OR2L13: variants seen among roughly 807,000 people sequenced by gnomAD.
OR2L13 encodes olfactory receptor 2L13.
In OR2L13, 14 loss-of-function variants were observed where a neutral mutation model predicts 15.3. That is an observed-to-expected ratio of 0.91 (90% CI 0.60 to 1.43). The LOEUF (loss-of-function observed/expected upper bound fraction) is 1.43. Ranked by LOEUF, OR2L13 falls within the 40% of genes most tolerant of loss-of-function variation. The pLI is 0.00. For missense variants in OR2L13, 367 were observed against 387.9 expected, an observed-to-expected ratio of 0.95 and a Z score of 0.45; for synonymous variants, 152 against 142.9, an observed-to-expected ratio of 1.06 and a Z score of -0.45.
chr1:248,095,453 T>C (rs1371316290), upstream of OR2L13, among the ~76,000 whole-genome samples: 1 of 151,964 alleles, frequency 6.6e-6, no homozygotes, highest in Non-Finnish European at 1.5e-5. Flanking sequence ...AGATTCTCAC[T>C]TCAGAAAGAG....
the OR2L13 span, among the ~76,000 whole-genome samples, chr1:247,968,776 G>A: frequency 6.6e-6 from 1 of 151,722 alleles, no homozygotes; most frequent in Non-Finnish European, 1.5e-5. Flanking sequence ...CCAAGTCTTT[G>A]CTATTGTGAA....
chr1:248,003,235 A>G, the OR2L13 span: 81 of 1,546,816 alleles, frequency 5.2e-5, 1 homozygote, highest in South Asian at 8.2e-4. Context: ...TCATTTTCCT[A>G]ATGGCTCTAA....
At chr1:248,077,429 C>G in the OR2L13 span, among the ~76,000 whole-genome samples, 1 of 152,212 alleles carries the variant, frequency 6.6e-6, no homozygotes, top group Non-Finnish European at 1.5e-5. Context: ...ACCAGCTCCT[C>G]TTTGTACCTC....
chr1:248,022,206 G>A, the OR2L13 span: 3 of 1,614,048 alleles, frequency 1.9e-6, no homozygotes, highest in Middle Eastern at 1.7e-4. Context: ...TTTTCTGTAT[G>A]GAAACAAGTC....
chr1:247,975,198 G>T, the OR2L13 span: 1 of 393,572 alleles, frequency 2.5e-6, no homozygotes, highest in South Asian at 2.2e-5. Flanking sequence ...GGGCTCTATC[G>T]ACACTTGTGC....
At chr1:247,990,219 T>C in the OR2L13 span, 1 of 690,042 alleles carries the variant, frequency 1.4e-6, no homozygotes, top group Non-Finnish European at 2.6e-6. Flanking sequence ...ACTACTGTAC[T>C]TCACTTACCC....
chr1:248,030,112 T>C, the OR2L13 span: 1 of 152,086 alleles, frequency 6.6e-6, no homozygotes, highest in Non-Finnish European at 1.5e-5. Flanking sequence ...AATGAATATA[T>C]GCATTTCTTT....
chr1:248,028,090 G>A, the OR2L13 span, among the ~76,000 whole-genome samples: 89 of 132,388 alleles, frequency 6.7e-4, 3 homozygotes, highest in East Asian at 0.016. Flanking sequence ...GCAGTGAGCC[G>A]AGATCACGCC....
At chr1:247,999,212 T>C in the OR2L13 span, among the ~76,000 whole-genome samples, 1 of 152,150 alleles carries the variant, frequency 6.6e-6, no homozygotes, top group Non-Finnish European at 1.5e-5. Context: ...AGAATTTGAT[T>C]TAATTTTAAA....
chr1:248,047,339 CT>C, the OR2L13 span, among the ~76,000 whole-genome samples: 6,349 of 152,004 alleles, frequency 0.042, 433 homozygotes, highest in African/African-American at 0.14. Flanking sequence ...TGTATTTTAC[CT>C]TATATGAATC....
the OR2L13 span, among the ~76,000 whole-genome samples, chr1:248,014,923 A>G: frequency 7.2e-5 from 11 of 152,324 alleles, no homozygotes; most frequent in South Asian, 2.3e-3. Flanking sequence ...AGTGAAGCAG[A>G]CTAAGCACAT....
chr1:248,083,766 C>G, the OR2L13 span: 1,972 of 1,585,752 alleles, frequency 1.2e-3, 15 homozygotes, highest in African/African-American at 0.017. Flanking sequence ...GGTGAACATA[C>G]TATAGAAGGC....
chr1:248,011,045 G>A, the OR2L13 span, among the ~76,000 whole-genome samples: 1 of 151,972 alleles, frequency 6.6e-6, no homozygotes, highest in Non-Finnish European at 1.5e-5. Context: ...TCTTCATAGT[G>A]TCGATGGTCT....
At chr1:247,968,234 T>C in the OR2L13 span, among the ~76,000 whole-genome samples, 10 of 152,104 alleles carry the variant, frequency 6.6e-5, no homozygotes, top group East Asian at 1.9e-3. Flanking sequence ...TGTCAGAGAG[T>C]TTATGTAACT....
At chr1:248,083,528 T>A in the OR2L13 span, 5 of 822,366 alleles carry the variant, frequency 6.1e-6, no homozygotes, top group African/African-American at 8.5e-5. Flanking sequence ...TCTTATTATA[T>A]CAATGCACAA....
At chr1:248,084,050 C>A in the OR2L13 span, 1 of 1,611,292 alleles carries the variant, frequency 6.2e-7, no homozygotes, top group African/African-American at 1.3e-5. Context: ...CCAAACGCAC[C>A]AGCACGGGGG....
chr1:248,061,327 T>G, the OR2L13 span: 16 of 1,613,832 alleles, frequency 9.9e-6, no homozygotes, highest in Non-Finnish European at 1.4e-5. Flanking sequence ...TATTTCATGT[T>G]CCTATGGCCG....
At chr1:248,023,205 T>G in the OR2L13 span, 2 of 171,942 alleles carry the variant, frequency 1.2e-5, no homozygotes, top group Non-Finnish European at 2.5e-5. Context: ...TATATGTTAA[T>G]TGTTTCCCAT....
the OR2L13 span, among the ~76,000 whole-genome samples, chr1:247,977,080 T>C: frequency 6.6e-6 from 1 of 152,210 alleles, no homozygotes; most frequent in African/African-American, 2.4e-5. Context: ...CACAATGTAT[T>C]GTAATAATCT....
Sources: gnomAD v4.1 joint callset for allele counts (sites outside exome capture counted in the v4.1 genomes callset) on GRCh38, gnomAD v4.1.1 for gene constraint, MANE v1.5 for transcripts, NCBI Gene and HGNC (gene_info 2026-07-23, HGNC 2026-07-21) for gene names.